The following RGMA variants were observed in gnomAD, a reference collection of about 807,000 sequenced individuals.
The protein encoded by RGMA is repulsive guidance molecule A.
A neutral mutation model predicts 23.2 loss-of-function variants in RGMA; 10 were observed. The ratio of observed to expected loss-of-function variants is 0.43; its 90% confidence interval spans 0.27 to 0.73. The LOEUF (loss-of-function observed/expected upper bound fraction) is 0.73. RGMA is among the 30% of genes least tolerant of loss of function. The pLI is 0.20. For synonymous variants in RGMA, 308 were observed against 279.3 expected (o/e 1.10, Z -1.03); for missense variants, 547 against 630.5 (o/e 0.87, Z 1.42).
intron 2 of RGMA, among the ~76,000 whole-genome samples, chr15:93,064,828 G>T (rs899005014): frequency 6.6e-6 from 1 of 152,190 alleles, no homozygotes. Context: ...GCTATGCCAT[G>T]GTGAGCAAGA....
chr15:93,073,140 C>A, intron 1 of RGMA, 109 bp from the exon 2 acceptor site: 1 of 1,254,172 alleles, frequency 8.0e-7, no homozygotes, highest in Non-Finnish European at 1.0e-6. Flanking sequence ...TCCACCTCGG[C>A]CGCGGGCGCC....
intron 1 of RGMA, chr15:93,088,377 G>T (rs1407732600): frequency 1.0e-6 from 1 of 985,388 alleles, no homozygotes; most frequent in Non-Finnish European, 1.2e-6. Context: ...GGCATCCTCG[G>T]CCCTCAATCC....
rs1453284918 is a variant in RGMA at position 93,088,428 on chromosome 15, G to C, written c.14+491C>G. The C allele has an allele frequency of 9.1e-6, 9 of 985,800 alleles. No individual in the cohort carries two copies. The African/African-American group carries it at 1.0e-4, about 11-fold the overall frequency. 61.1% of individuals were successfully genotyped at this position (985,800 alleles called of 1,614,324 possible). ...CCGTACGCCGGCGCGCCGAGGCAAA[G>C]GGCCGCCGGGACGCGAGCCCACGCG... On this transcript the variant is annotated intron_variant, in intron 1 of 3. Coordinates refer to ENST00000329082, the MANE Select transcript of RGMA (RefSeq NM_020211.3).
chr15:93,048,663 G>C (rs16947388), intron 3 of RGMA, among the ~76,000 whole-genome samples: 14,829 of 152,160 alleles, frequency 0.097, 1,071 homozygotes, highest in African/African-American at 0.2. Context: ...CCTCGAACCT[G>C]ATGAGATTGC....
chr15:93,065,473 T>C (rs1343013170), intron 2 of RGMA: 5 of 453,660 alleles, frequency 1.1e-5, no homozygotes, highest in African/African-American at 1.0e-4. Flanking sequence ...AGCTGGTATT[T>C]TGATGCCATG....
In RGMA at chr15:93,064,980, A is replaced by T. The variant is rs74245342; in HGVS notation, c.130+7936T>A. Among the ~76,000 whole-genome samples, 899 of 144,182 alleles carry T rather than the reference A, an allele frequency of 6.2e-3. 16 individuals carry two copies. The East Asian group carries it at 0.065, about 10-fold the overall frequency. 94.6% of individuals were successfully genotyped at this position (144,182 alleles called of 152,430 possible). On this transcript the variant is annotated intron_variant, in intron 2 of 3. Coordinates refer to ENST00000329082, the MANE Select transcript of RGMA (RefSeq NM_020211.3). Reference sequence around the variant, plus strand: ...ACAGAGTCCAATATACCACATGGTAATTTTTTTTTTTTTTTTAGATGGAGT... The same window carrying T: ...ACAGAGTCCAATATACCACATGGTATTTTTTTTTTTTTTTTTAGATGGAGT...
rs1433257621 is a variant in RGMA at position 93,042,760 on chromosome 15, G to GATC, written c.*2235_*2237dup. 3.9e-5 allele frequency: 6 copies of GATC among 152,368 alleles called. No homozygotes were observed. Among genetic ancestry groups the GATC allele is most frequent in the Non-Finnish European group, 8.8e-5 (6 of 68,074 alleles). 9.4% of individuals were successfully genotyped at this position (152,368 alleles called of 1,614,324 possible). ...TGGGTAGTTTGTACAGATGAAATGT[G>GATC]ATCACAGCTGCCAATAAACCTGGTC... On this transcript the variant is annotated 3_prime_UTR_variant, in exon 4 of 4. Transcript: ENST00000329082.
In RGMA at chr15:93,038,798, T is replaced by A. The variant is rs2141777350; in HGVS notation, c.*6200A>T. 6.6e-6 allele frequency: 1 copy of A among 152,208 alleles called. No homozygotes were observed. The highest frequency in any genetic ancestry group is 1.9e-4 in the East Asian group (1 of 5,170). 9.4% of individuals were successfully genotyped at this position (152,208 alleles called of 1,614,324 possible). On this transcript the variant is annotated 3_prime_UTR_variant, in exon 4 of 4. Coordinates refer to ENST00000329082, the MANE Select transcript of RGMA (RefSeq NM_020211.3). Reference sequence around the variant, plus strand: ...ACCGTGTTAGCCAGGATGGTCTCGATCTCCTGACTTAGTGATCTGCCCGCT... The same window carrying A: ...ACCGTGTTAGCCAGGATGGTCTCGAACTCCTGACTTAGTGATCTGCCCGCT...
At chr15:93,077,205 ACCTGGGAGC>A (rs112751730) in intron 1 of RGMA, among the ~76,000 whole-genome samples, 2,084 of 152,276 alleles carry the variant, frequency 0.014, 45 homozygotes, top group African/African-American at 0.048. Context: ...CCTGTGAAGC[ACCTGGGAGC>A]CCAACCCAAA....
chr15:93,084,188 T>A (rs1895601437), intron 1 of RGMA, among the ~76,000 whole-genome samples: 1 of 152,136 alleles, frequency 6.6e-6, no homozygotes, highest in Non-Finnish European at 1.5e-5. Context: ...GCTATGTTCC[T>A]GTAAGGGGAA....
intron 2 of RGMA, among the ~76,000 whole-genome samples, chr15:93,071,598 G>A (rs1312817109): frequency 6.6e-6 from 1 of 152,210 alleles, no homozygotes; most frequent in Non-Finnish European, 1.5e-5. Context: ...TGGGGGCCAG[G>A]AGCAGGGCTG....
rs1428470415 is a variant in RGMA, at chr15:93,044,704, G to A, written c.*294C>T. ...CAGTGTGTCTCTGGTGGGGGTGGGG[G>A]GCTTCAGCCTGAGGGGATGTTTCAC... On this transcript the variant is annotated 3_prime_UTR_variant, in exon 4 of 4. Coordinates refer to ENST00000329082, the MANE Select transcript of RGMA (RefSeq NM_020211.3). 2 of 451,234 alleles carry A rather than the reference G, an allele frequency of 4.4e-6. No individual in the cohort carries two copies. The highest frequency in any genetic ancestry group is 3.3e-5 in the South Asian group (1 of 30,090). 28.0% of individuals were successfully genotyped at this position (451,234 alleles called of 1,614,324 possible). A position where few individuals can be genotyped will look rare whatever the true frequency, so the allele number is the denominator to read the frequency against.
intron 1 of RGMA, among the ~76,000 whole-genome samples, chr15:93,085,009 C>T (rs1333350311): frequency 6.6e-6 from 1 of 151,990 alleles, no homozygotes; most frequent in African/African-American, 2.4e-5. Context: ...TTCAAAATAC[C>T]TACAAAGGAT....
intron 1 of RGMA, chr15:93,088,435 C>G (rs1160067643): frequency 1.1e-5 from 11 of 985,894 alleles, no homozygotes; most frequent in Non-Finnish European, 1.2e-5. Context: ...AAAGGGCCGC[C>G]GGGACGCGAG....
rs2054721189 is a variant in RGMA, at chr15:93,041,318, T to C, written c.*3680A>G. On this transcript the variant is annotated 3_prime_UTR_variant, in exon 4 of 4. Coordinates refer to ENST00000329082, the MANE Select transcript of RGMA (RefSeq NM_020211.3). ...GCCCACCTCCGTGTGCTAATGCATT[T>C]ACCTCCAGGCCGCAGGCCTCCGCGG... 6.6e-6 allele frequency: 1 copy of C among 152,270 alleles called. No homozygotes were observed. Among genetic ancestry groups the C allele is most frequent in the Non-Finnish European group, 1.5e-5 (1 of 68,072 alleles). 9.4% of individuals were successfully genotyped at this position (152,270 alleles called of 1,614,324 possible).
chr15:93,052,242 G>C lies in RGMA; in HGVS notation c.396C>G (p.Ala132=), dbSNP rs368386612. The change falls in exon 3 of 4, where the codon GCC becomes GCG. Residue 132 remains alanine (A), a synonymous_variant. Transcript: ENST00000329082. The part of the protein sequence containing the change: ...SQPRLRTLPP[A]GDSQERSDSP... Reference sequence around the variant, plus strand: ...TGTCCGAGCGCTCCTGGCTGTCTCCGGCCGGTGGGAGCGTGCGCAGGCGTG... The same window carrying C: ...TGTCCGAGCGCTCCTGGCTGTCTCCCGCCGGTGGGAGCGTGCGCAGGCGTG... 1.9e-6 allele frequency: 3 copies of C among 1,606,886 alleles called. No individual in the cohort carries two copies. Among genetic ancestry groups the C allele is most frequent in the Admixed American group, 3.3e-5 (2 of 59,936 alleles).
At chr15:93,072,677 C>G (rs922473557) in intron 2 of RGMA, among the ~76,000 whole-genome samples, 11 of 152,302 alleles carry the variant, frequency 7.2e-5, no homozygotes, top group Non-Finnish European at 1.6e-4. Flanking sequence ...GGCCCCTGCG[C>G]CCTCCCCACA....
At chr15:93,081,572 T>C (rs1895559508) in intron 1 of RGMA, among the ~76,000 whole-genome samples, 1 of 152,220 alleles carries the variant, frequency 6.6e-6, no homozygotes, top group South Asian at 2.1e-4. Context: ...TGTCTCCCCA[T>C]TCCGGTAAGT....
At chr15:93,076,185 C>T (rs1005235360) in intron 1 of RGMA, among the ~76,000 whole-genome samples, 9 of 152,172 alleles carry the variant, frequency 5.9e-5, no homozygotes, top group African/African-American at 2.2e-4. Flanking sequence ...GGGATAGAGA[C>T]ACTCTCATGC....
Sources: allele counts gnomAD v4.1 joint callset (sites outside exome capture counted in the v4.1 genomes callset), GRCh38; gene constraint gnomAD v4.1.1; transcripts MANE v1.5; gene names NCBI Gene and HGNC (gene_info 2026-07-23, HGNC 2026-07-21).